CHORDC1: variants seen among roughly 807,000 people sequenced by gnomAD.
The protein encoded by CHORDC1 is cysteine and histidine rich domain containing 1.
CHORDC1 carries 25 observed loss-of-function variants against 48.3 expected under a neutral mutation model. The observed-to-expected ratio is 0.52, with a 90% CI of 0.38 to 0.72. The LOEUF (loss-of-function observed/expected upper bound fraction) is 0.72. Ranked by LOEUF, CHORDC1 falls within the 30% of genes least tolerant of loss-of-function variation. The probability of loss-of-function intolerance (pLI) is 0.00; values close to 1 mark genes in which losing one functional copy is unlikely to be tolerated. For synonymous variants in CHORDC1, 128 were observed against 126.4 expected, an observed-to-expected ratio of 1.01 and a Z score of -0.09; for missense variants, 317 against 388.7, an observed-to-expected ratio of 0.82 and a Z score of 1.55.
intron 1 of CHORDC1, among the ~76,000 whole-genome samples, chr11:90,220,169 A>T (rs1858131101): frequency 6.6e-6 from 1 of 152,182 alleles, no homozygotes; most frequent in Non-Finnish European, 1.5e-5. Flanking sequence ...AAGCCAAAAG[A>T]TTGAACACCC....
chr11:90,220,138 T>C (rs950902732), intron 1 of CHORDC1, among the ~76,000 whole-genome samples: 5 of 152,252 alleles, frequency 3.3e-5, no homozygotes, highest in African/African-American at 1.2e-4. Flanking sequence ...ATAATTCCTC[T>C]TCTTCCAATG....
Position 90,210,613 on chromosome 11 carries a change from A to T in CHORDC1, c.434-19T>A. The T allele has an allele frequency of 2.0e-6, 3 of 1,502,404 alleles. No individual in the cohort carries two copies. The highest frequency in any genetic ancestry group is 2.7e-6 in the Non-Finnish European group (3 of 1,091,370). 93.1% of individuals were successfully genotyped at this position (1,502,404 alleles called of 1,614,324 possible). A position where few individuals can be genotyped will look rare whatever the true frequency, so the allele number is the denominator to read the frequency against. The stretch of plus-strand genomic sequence containing the variant: ...TCTTCTTCTGTAACAAAGAAAAAAA[A>T]ATCAAATTAAAAAGTTAAAATAGAA... On this transcript the variant is annotated intron_variant, in intron 5 of 10. Coordinates refer to ENST00000320585, the MANE Select transcript of CHORDC1 (RefSeq NM_012124.3).
chr11:90,205,586 A>G (rs765407995), intron 7 of CHORDC1, 21 bp from the exon 8 acceptor site: 7 of 1,422,942 alleles, frequency 4.9e-6, no homozygotes. Context: ...TCACAGAAAA[A>G]CTTCAGAAAT....
intron 3 of CHORDC1, among the ~76,000 whole-genome samples, chr11:90,214,376 T>C (rs770218876): frequency 2.0e-5 from 3 of 152,148 alleles, no homozygotes; most frequent in Non-Finnish European, 4.4e-5. Context: ...TAAAAAGTCT[T>C]TGAATTACAC....
chr11:90,201,433 TAAAAA>T lies in CHORDC1; in HGVS notation c.*967_*971del, dbSNP rs1300824146. The T allele has an allele frequency of 2.0e-4, 30 of 150,892 alleles. 1 individual carries two copies. The highest frequency in any genetic ancestry group is 1.8e-4 in the Non-Finnish European group (12 of 67,576). 9.3% of individuals were successfully genotyped at this position (150,892 alleles called of 1,614,324 possible). ...AGAATTGTGAAGCTCTTCATGACTT[TAAAAA>T]AAAACTCCAAAACAATTAAGCTATT... On this transcript the variant is annotated 3_prime_UTR_variant, in exon 11 of 11. Coordinates refer to ENST00000320585, the MANE Select transcript of CHORDC1 (RefSeq NM_012124.3).
At chr11:90,206,796 C>T (rs1332560792) in intron 6 of CHORDC1, 5 of 1,286,444 alleles carry the variant, frequency 3.9e-6, no homozygotes, top group South Asian at 3.7e-5. Context: ...CCCATTGCTG[C>T]TGTAGATGGA....
At chr11:90,207,769 AAAAAAAAAAC>A (rs1391771565) in intron 6 of CHORDC1, 19 of 148,540 alleles carry the variant, frequency 1.3e-4, no homozygotes, top group Admixed American at 4.7e-4. Context: ...TACAAAAAAA[AAAAAAAAAAC>A]AAAAAAAACT....
In CHORDC1 at chr11:90,203,292, T is replaced by G. The variant is rs1857586066; in HGVS notation, c.789+16A>C. On this transcript the variant is annotated intron_variant, in intron 9 of 10. Coordinates refer to ENST00000320585, the MANE Select transcript of CHORDC1 (RefSeq NM_012124.3). ...ATAGAAAAGAACTTTTACCCAAAAT[T>G]ATAAGATGTACTTACCAATGTGCTA... 1 of 1,556,020 alleles carries G rather than the reference T, an allele frequency of 6.4e-7. No individual in the cohort carries two copies. Among genetic ancestry groups the G allele is most frequent in the South Asian group, 1.2e-5 (1 of 81,978 alleles).
intron 7 of CHORDC1, chr11:90,205,878 T>C: frequency 2.3e-6 from 1 of 436,380 alleles, no homozygotes; most frequent in Non-Finnish European, 4.1e-6. Context: ...GGGCCCAAAA[T>C]TCTAAATGCC....
chr11:90,213,972 G>A, intron 4 of CHORDC1, 46 bp downstream of exon 4: 1 of 1,452,082 alleles, frequency 6.9e-7, no homozygotes, highest in East Asian at 2.3e-5. Context: ...ATGCACAAGT[G>A]CTACTATTCA....
rs112480859 is a variant in CHORDC1, at chr11:90,210,643, G to A, written c.434-49C>T. Reference sequence around the variant, plus strand: ...AATTAAAAAGTTAAAATAGAACTTCGCTGTGGCATCATTCTTAAAAACTAG... The same window carrying A: ...AATTAAAAAGTTAAAATAGAACTTCACTGTGGCATCATTCTTAAAAACTAG... On this transcript the variant is annotated intron_variant, in intron 5 of 10. Coordinates refer to ENST00000320585, the MANE Select transcript of CHORDC1 (RefSeq NM_012124.3). 1,029 of 1,189,132 alleles carry A rather than the reference G, an allele frequency of 8.7e-4. 6 individuals are homozygous for A. The highest frequency in any genetic ancestry group is 7.9e-3 in the African/African-American group (513 of 64,914). The allele number at this position is 1,189,132 out of a possible 1,614,324, so 73.7% of individuals were successfully genotyped here.
At chr11:90,215,257 A>C (rs1047637276) in intron 2 of CHORDC1, 27 bp from the exon 3 acceptor site, 3 of 1,485,690 alleles carry the variant, frequency 2.0e-6, no homozygotes, top group Admixed American at 2.1e-5. Context: ...AAGGAAACTA[A>C]AAACTCTATT....
rs756355105 is a variant in CHORDC1, at chr11:90,202,816, C to A, written c.849G>T (p.Trp283Cys). The change falls in exon 10 of 11, where the codon TGG becomes TGT. Residue 283 changes from tryptophan to cysteine, a missense_variant. Transcript: ENST00000320585. Reference sequence around the variant, plus strand: ...CTTATAAATTTGTAATACTTACACCCCATAATTTCACATTTTGATCAAATT... The same window carrying A: ...CTTATAAATTTGTAATACTTACACCACATAATTTCACATTTTGATCAAATT... ...EKEFDQNVKL[W>C]GVIDVKRSYV... 1.9e-6 allele frequency: 3 copies of A among 1,596,014 alleles called. No individual in the cohort carries two copies. Among genetic ancestry groups the A allele is most frequent in the Admixed American group, 1.8e-5 (1 of 55,678 alleles).
intron 6 of CHORDC1, chr11:90,209,458 A>G (rs1857798594): frequency 6.6e-6 from 1 of 152,174 alleles, no homozygotes; most frequent in South Asian, 2.1e-4. Flanking sequence ...TTCAAATTCT[A>G]TCATTCATTC....
chr11:90,218,906 T>C (rs749318095), intron 1 of CHORDC1, among the ~76,000 whole-genome samples: 3 of 152,036 alleles, frequency 2.0e-5, no homozygotes, highest in Admixed American at 1.3e-4. Flanking sequence ...GTGTGTGATC[T>C]TTCTGCCTTC....
chr11:90,206,906 GAAAATAA>G (rs1248903506), intron 6 of CHORDC1: 13 of 458,664 alleles, frequency 2.8e-5, no homozygotes, highest in Non-Finnish European at 3.9e-5. Context: ...CCTACAAACA[GAAAATAA>G]AATTCTGTGT....
chr11:90,206,391 A>G (rs922070988), intron 6 of CHORDC1, 119 bp from the exon 7 acceptor site: 4 of 636,194 alleles, frequency 6.3e-6, no homozygotes, highest in Non-Finnish European at 1.1e-5. Context: ...ACAATTACCT[A>G]GAAAATTCAT....
chr11:90,204,487 G>A (rs1276784111), intron 8 of CHORDC1, among the ~76,000 whole-genome samples: 8 of 152,114 alleles, frequency 5.3e-5, no homozygotes, highest in Non-Finnish European at 1.2e-4. Context: ...TTTGGAGGTC[G>A]AGGCGGGTGG....
intron 4 of CHORDC1, chr11:90,213,184 A>C (rs898060745): frequency 2.4e-6 from 1 of 424,078 alleles, no homozygotes; most frequent in African/African-American, 2.0e-5. Flanking sequence ...CTAATGAACA[A>C]ATAAACATCT....
Sources: allele counts gnomAD v4.1 joint callset (sites outside exome capture counted in the v4.1 genomes callset), GRCh38; gene constraint gnomAD v4.1.1; transcripts MANE v1.5; gene names NCBI Gene and HGNC (gene_info 2026-07-23, HGNC 2026-07-21).